KLHL35: variants seen among roughly 807,000 people sequenced by gnomAD.
KLHL35 encodes the protein kelch like family member 35, also known as kelch-like protein 35.
In KLHL35, 50 loss-of-function variants were observed where a neutral mutation model predicts 44.0. The ratio of observed to expected loss-of-function variants is 1.14; its 90% CI spans 0.91 to 1.44. The LOEUF is 1.44. Ranked by LOEUF, KLHL35 falls within the 40% of genes most tolerant of loss-of-function variation. The probability of loss-of-function intolerance (pLI) is 0.00; values close to 1 mark genes in which losing one functional copy is unlikely to be tolerated. For missense variants in KLHL35, 1,049 were observed against 887.8 expected, an observed-to-expected ratio of 1.18 and a Z score of -2.31; for synonymous variants, 470 against 410.4, an observed-to-expected ratio of 1.15 and a Z score of -1.76.
chr11:75,424,910 A>T (rs1267484637), intron 5 of KLHL35: 1 of 154,582 alleles, frequency 6.5e-6, no homozygotes, highest in Admixed American at 6.5e-5. Flanking sequence ...TACCTAAATT[A>T]GAATAAAATG....
chr11:75,426,177 G>C lies in KLHL35; in HGVS notation c.1185+343C>G, dbSNP rs542748764. 503 of 169,850 alleles carry C rather than the reference G, an allele frequency of 3.0e-3. 3 individuals are homozygous for C. Among genetic ancestry groups the C allele is most frequent in the Middle Eastern group, 5.6e-3 (2 of 358 alleles). The allele number at this position is 169,850 out of a possible 1,614,324, so 10.5% of individuals were successfully genotyped here. ...TCACCGTGTTAGCCAGGATGGTCTG[G>C]ATCTCCTGACCTCGTGATCCGCCCG... is the stretch of plus-strand genomic sequence containing the variant. On this transcript the variant is annotated intron_variant, in intron 4 of 6. Coordinates refer to ENST00000539798, the MANE Select transcript of KLHL35 (RefSeq NM_001039548.3).
At chr11:75,430,774 T>C (rs1191611092) in intron 1 of KLHL35, 144 bp from the exon 2 acceptor site, 6 of 692,400 alleles carry the variant, frequency 8.7e-6, no homozygotes, top group Non-Finnish European at 1.0e-5. Flanking sequence ...TCCTTACGGC[T>C]ACAGTGCCCC....
Position 75,430,307 on chromosome 11 carries a change from T to G in KLHL35, c.323A>C (p.Asp108Ala). ...CCGCACGCCCGCTCCGTACACGTAG[T>G]CGAGCACCACGGCCAGCGCCGCCGC... ...GAAAALAVVL[D>A]YVYGAGVRLR... The change falls in exon 2 of 7, where the codon GAC becomes GCC. Residue 108 changes from aspartate (D) to alanine (A), a missense_variant. Asp to Ala is a moderately radical substitution (Grantham distance 126). Coordinates refer to ENST00000539798, the MANE Select transcript of KLHL35 (RefSeq NM_001039548.3). The G allele has an allele frequency of 2.4e-6, 3 of 1,246,280 alleles. No homozygotes were observed. Among genetic ancestry groups the G allele is most frequent in the Non-Finnish European group, 3.0e-6 (3 of 996,518 alleles). The allele number at this position is 1,246,280 out of a possible 1,614,324, so 77.2% of individuals were successfully genotyped here.
chr11:75,423,816 C>G lies in KLHL35; in HGVS notation c.1439G>C (p.Arg480Pro). Reference protein sequence around the residue: ...SLRSPAPFSQRCLEAVSLEDT... With the variant: ...SLRSPAPFSQPCLEAVSLEDT... The stretch of plus-strand genomic sequence containing the variant: ...CTCAAGGGAGACAGCCTCGAGACAC[C>G]GCTGTGAGAAGGGTGCTGGTGACCG... Residue 480 changes from arginine (R) to proline (P), a missense_variant, in exon 6 of 7, where the codon CGG (arginine) becomes CCG (proline). Physicochemically the swap from Arg to Pro is moderately radical, Grantham distance 103 (BLOSUM62 -2). Coordinates refer to ENST00000539798, the MANE Select transcript of KLHL35 (RefSeq NM_001039548.3). 1 of 1,613,824 alleles carries G rather than the reference C, an allele frequency of 6.2e-7. No individual in the cohort carries two copies. Among genetic ancestry groups the G allele is most frequent in the African/African-American group, 1.3e-5 (1 of 74,994 alleles).
At chr11:75,423,429 C>T in intron 6 of KLHL35, 3 of 445,744 alleles carry the variant, frequency 6.7e-6, no homozygotes, top group Non-Finnish European at 1.2e-5. Flanking sequence ...GGACCAAATC[C>T]CCACTCAAAG....
intron 4 of KLHL35, 26 bp downstream of exon 4, chr11:75,426,493 AG>A (rs1175432333): frequency 4.0e-6 from 6 of 1,486,012 alleles, no homozygotes; most frequent in African/African-American, 1.4e-5. Flanking sequence ...CTTGTGTCCC[AG>A]GGCAGCCGCT....
At position 75,426,563 on chromosome 11, in the gene KLHL35, T is replaced by G; in HGVS notation, c.1142A>C (p.His381Pro). The change falls in exon 4 of 7, where the codon CAC becomes CCC. Residue 381 changes from histidine to proline, a missense_variant. Physicochemically the swap from His to Pro is moderately conservative, Grantham distance 77. Transcript: ENST00000539798. The part of the protein sequence containing the change: ...LHTWIKVASL[H>P]KGRWRHKMAV... Reference sequence around the variant, plus strand: ...CATCTTGTGCCTCCACCTGCCCTTGTGCAGAGAGGCTACCTTGATCCAGGT... The same window carrying G: ...CATCTTGTGCCTCCACCTGCCCTTGGGCAGAGAGGCTACCTTGATCCAGGT... The G allele has an allele frequency of 6.2e-7, 1 of 1,606,550 alleles. No homozygotes were observed. Among genetic ancestry groups the G allele is most frequent in the Non-Finnish European group, 8.5e-7 (1 of 1,177,052 alleles).
intron 5 of KLHL35, chr11:75,424,155 A>C: frequency 1.0e-5 from 4 of 385,010 alleles, no homozygotes; most frequent in Non-Finnish European, 1.4e-5. Context: ...ATGCCACCCC[A>C]TCCTTAAAGG....
chr11:75,430,212 C>A lies in KLHL35; in HGVS notation c.418G>T (p.Glu140Ter). Residue 140 changes from glutamate (E) to a stop codon, truncating the protein, a stop_gained, in exon 2 of 7, where the codon GAG (glutamate) becomes TAG (stop). Coordinates refer to ENST00000539798, the MANE Select transcript of KLHL35 (RefSeq NM_001039548.3). LOFTEE classifies it high-confidence loss of function. ...CCCTCGAGAAAGCGCACGCAGGCCT[C>A]GCGCAGGCCCGCCACGCCCAGCCGC... ...AERLGVAGLREACVRFLEGRL... is the reference protein window; with the variant it reads ...AERLGVAGLR The A allele has an allele frequency of 1.6e-6, 2 of 1,228,376 alleles. No homozygotes were observed. Among genetic ancestry groups the A allele is most frequent in the African/African-American group, 1.6e-5 (1 of 62,268 alleles). 76.1% of individuals were successfully genotyped at this position (1,228,376 alleles called of 1,614,324 possible).
rs1439615433 is a variant in KLHL35, at chr11:75,430,145, G to T, written c.485C>A (p.Ala162Asp). ...AANSLALRRVAAAFSLAPLAE... is the reference protein window; with the variant it reads ...AANSLALRRVDAAFSLAPLAE... ...CAGCGGGGCCAGCGAGAAGGCGGCG[G>T]CCACGCGGCGCAGCGCTAGGCTGTT... The change falls in exon 2 of 7, where the codon GCC (alanine) becomes GAC (aspartate). Residue 162 changes from alanine (A) to aspartate (D), a missense_variant. Transcript: ENST00000539798. The T allele has an allele frequency of 8.0e-7, 1 of 1,251,708 alleles. No homozygotes were observed. Among genetic ancestry groups the T allele is most frequent in the Non-Finnish European group, 1.0e-6 (1 of 1,000,860 alleles). 77.5% of individuals were successfully genotyped at this position (1,251,708 alleles called of 1,614,324 possible). A position where few individuals can be genotyped will look rare whatever the true frequency, so the allele number is the denominator to read the frequency against.
chr11:75,423,053 G>T, intron 6 of KLHL35: 1 of 437,618 alleles, frequency 2.3e-6, no homozygotes, highest in South Asian at 3.8e-5. Context: ...AACAGTTAAT[G>T]GAAGTTAAGC....
rs751187741 is a variant in KLHL35, at chr11:75,425,495, G to A, written c.1272C>T (p.Ala424=). The A allele has an allele frequency of 1.9e-6, 3 of 1,563,146 alleles. No individual in the cohort carries two copies. The highest frequency in any genetic ancestry group is 1.4e-5 in the African/African-American group (1 of 72,384). The change falls in exon 5 of 7, where the codon GCC becomes GCT. Residue 424 remains alanine, a synonymous_variant. Coordinates refer to ENST00000539798, the MANE Select transcript of KLHL35 (RefSeq NM_001039548.3). ...AGCTCACGGCCTCCGGGAGGGGCGC[G>A]GCGGCCGCCCAGGTGTTGGAGAAGG... The part of the protein sequence containing the change: ...YDPFSNTWAA[A]APLPEAVSSA...
intron 5 of KLHL35, 90 bp from the exon 6 acceptor site, chr11:75,423,970 GC>G: frequency 9.4e-7 from 1 of 1,059,054 alleles, no homozygotes; most frequent in Non-Finnish European, 1.3e-6. Context: ...CCCCCCGGGG[GC>G]ACTCATTCAA....
In KLHL35 at chr11:75,430,318, G is replaced by A. The variant is rs554893168; in HGVS notation, c.312C>T (p.Ala104=). ...TSPAGAAAAL[A]VVLDYVYGAG... ...CTCCGTACACGTAGTCGAGCACCAC[G>A]GCCAGCGCCGCCGCCGCCCCGGCCG... The change falls in exon 2 of 7, where the codon GCC becomes GCT. Residue 104 remains alanine (A), a synonymous_variant. Transcript: ENST00000539798. 1.2e-4 allele frequency: 146 copies of A among 1,259,752 alleles called. 1 individual carries two copies. The Middle Eastern group carries it at 1.2e-3, about 11-fold the overall frequency. The allele number at this position is 1,259,752 out of a possible 1,614,324, so 78.0% of individuals were successfully genotyped here.
At position 75,423,783 on chromosome 11, in the gene KLHL35, A is replaced by G; in HGVS notation, c.1472T>C (p.Ile491Thr). The G allele has an allele frequency of 6.2e-7, 1 of 1,613,812 alleles. No homozygotes were observed. The highest frequency in any genetic ancestry group is 8.5e-7 in the Non-Finnish European group (1 of 1,179,814). The part of the protein sequence containing the change: ...CLEAVSLEDT[I>T]YVMGGLMSKI... ...GCTCATGAGACCCCCCATGACATAG[A>G]TGGTGTCCTCAAGGGAGACAGCCTC... is the stretch of plus-strand genomic sequence containing the variant. Residue 491 changes from isoleucine (I) to threonine (T), a missense_variant, in exon 6 of 7, where the codon ATC becomes ACC. By Grantham distance (89) the Ile-to-Thr change is moderately conservative. Coordinates refer to ENST00000539798, the MANE Select transcript of KLHL35 (RefSeq NM_001039548.3).
rs1306088975 is a variant in KLHL35, at chr11:75,430,155, G to T, written c.475C>A (p.Arg159Ser). The change falls in exon 2 of 7, where the codon CGC (arginine) becomes AGC (serine). Residue 159 changes from arginine (R) to serine (S), a missense_variant. Coordinates refer to ENST00000539798, the MANE Select transcript of KLHL35 (RefSeq NM_001039548.3). ...RLRAANSLAL[R>S]RVAAAFSLAP... ...AGCGAGAAGGCGGCGGCCACGCGGC[G>T]CAGCGCTAGGCTGTTGGCGGCGCGC... The T allele has an allele frequency of 3.2e-6, 4 of 1,232,664 alleles. No homozygotes were observed. Among genetic ancestry groups the T allele is most frequent in the African/African-American group, 1.6e-5 (1 of 62,724 alleles). 76.4% of individuals were successfully genotyped at this position (1,232,664 alleles called of 1,614,324 possible). A position where few individuals can be genotyped will look rare whatever the true frequency, so the allele number is the denominator to read the frequency against.
Position 75,428,533 on chromosome 11 carries a change from C to A in KLHL35, c.975G>T (p.Glu325Asp), listed in dbSNP as rs775788002. Residue 325 changes from glutamate (E) to aspartate (D), a missense_variant, in exon 3 of 7, where the codon GAG (glutamate) becomes GAT (aspartate). By Grantham distance (45) the Glu-to-Asp change is conservative. Coordinates refer to ENST00000539798, the MANE Select transcript of KLHL35 (RefSeq NM_001039548.3). ...TGGGCAGTGGGGTCCACCGCTGGCT[C>A]TCTGGATGGTAGGCATCGGCGAAGG... ...KLPFADAYHPESQRWTPLPSL... is the reference protein window; with the variant it reads ...KLPFADAYHPDSQRWTPLPSL... 2 of 1,612,268 alleles carry A rather than the reference C, an allele frequency of 1.2e-6. No homozygotes were observed. Among genetic ancestry groups the A allele is most frequent in the Admixed American group, 3.3e-5 (2 of 60,022 alleles).
intron 6 of KLHL35, chr11:75,422,994 C>A (rs754306744): frequency 3.6e-6 from 2 of 549,354 alleles, no homozygotes; most frequent in Non-Finnish European, 6.5e-6. Context: ...TCAGTTTCCT[C>A]ATCGGCAAAG....
rs1948455790 is a variant in KLHL35 at position 75,422,456 on chromosome 11, T to C, written c.*124A>G. On this transcript the variant is annotated 3_prime_UTR_variant, in exon 7 of 7. Coordinates refer to ENST00000539798, the MANE Select transcript of KLHL35 (RefSeq NM_001039548.3). Reference sequence around the variant, plus strand: ...GGAACACAGACCCAACAAGATTTTATTTATACAAGAAAAGGGACCATTAAG... The same window carrying C: ...GGAACACAGACCCAACAAGATTTTACTTATACAAGAAAAGGGACCATTAAG... 1 of 843,480 alleles carries C rather than the reference T, an allele frequency of 1.2e-6. No individual in the cohort carries two copies. Among genetic ancestry groups the C allele is most frequent in the Non-Finnish European group, 1.8e-6 (1 of 553,390 alleles). The allele number at this position is 843,480 out of a possible 1,614,324, so 52.2% of individuals were successfully genotyped here. A position where few individuals can be genotyped will look rare whatever the true frequency, so the allele number is the denominator to read the frequency against.
Sources: gnomAD v4.1 joint callset for allele counts on GRCh38, gnomAD v4.1.1 for gene constraint, MANE v1.5 for transcripts, NCBI Gene and HGNC (gene_info 2026-07-23, HGNC 2026-07-21) for gene names.